Variants in PLCB1 observed in about 807,000 individuals in gnomAD.
PLCB1 encodes the protein phospholipase C beta 1.
PLCB1 carries 46 observed loss-of-function variants against 161.8 expected under a neutral mutation model. The observed-to-expected ratio is 0.28, with a 90% CI of 0.22 to 0.36. The LOEUF is 0.36. Ranked by LOEUF, PLCB1 falls within the 10% of genes least tolerant of loss-of-function variation. PLCB1 has a pLI of 1.00. For missense variants in PLCB1, 1,016 were observed against 1,472.5 expected (o/e 0.69, Z 5.07); for synonymous variants, 517 against 503.7 (o/e 1.03, Z -0.35).
intron 3 of PLCB1, among the ~76,000 whole-genome samples, chr20:8,412,311 C>T (rs1979080008): frequency 6.6e-6 from 1 of 152,218 alleles, no homozygotes. Flanking sequence ...CAAAACCAGT[C>T]ACATGGTCTA....
At chr20:8,629,706 T>C (rs1232181278) in intron 4 of PLCB1, among the ~76,000 whole-genome samples, 1 of 152,220 alleles carries the variant, frequency 6.6e-6, no homozygotes, top group Non-Finnish European at 1.5e-5. Flanking sequence ...ATTGTCTAAG[T>C]ATTGTGATCT....
At chr20:8,681,098 A>C (rs1301373231) in intron 9 of PLCB1, among the ~76,000 whole-genome samples, 1 of 105,524 alleles carries the variant, frequency 9.5e-6, no homozygotes, top group South Asian at 3.4e-4. Context: ...ATATATATAT[A>C]TATATATATA....
intron 3 of PLCB1, among the ~76,000 whole-genome samples, chr20:8,390,869 C>G (rs547119524): frequency 3.3e-5 from 5 of 151,916 alleles, no homozygotes; most frequent in South Asian, 4.2e-4. Context: ...CAAGTTATAT[C>G]ATGTCTCTGA....
At chr20:8,541,605 A>G (rs112230090) in intron 3 of PLCB1, among the ~76,000 whole-genome samples, 60 of 149,978 alleles carry the variant, frequency 4.0e-4, no homozygotes, top group African/African-American at 1.1e-3. Flanking sequence ...AGAAAGAAAG[A>G]AAGGAAGGAA....
Position 8,335,945 on chromosome 20 carries a change from C to T in PLCB1, c.178-35437C>T, listed in dbSNP as rs140857882. ...TGGTCAGGGAGGATTTGGGTTCTGGCGCTGCTTCTAGAGGCACGTTGATCA... is the reference window on the plus strand; with the variant it reads ...TGGTCAGGGAGGATTTGGGTTCTGGTGCTGCTTCTAGAGGCACGTTGATCA... On this transcript the variant is annotated intron_variant, in intron 2 of 31. Transcript: ENST00000338037. 3.9e-3 allele frequency among the ~76,000 whole-genome samples: 587 copies of T among 152,206 alleles called. 6 individuals are homozygous for T. The highest frequency in any genetic ancestry group is 0.013 in the African/African-American group (548 of 41,532).
rs113052210 is a variant in PLCB1 at position 8,844,971 on chromosome 20, G to A, written c.3424-36651G>A. Reference sequence around the variant, plus strand: ...TGAAAAAAAATACAAAAAATTAGCCGGGTGAGGTGGTGGGCGCCTGTAGTC... The same window carrying A: ...TGAAAAAAAATACAAAAAATTAGCCAGGTGAGGTGGTGGGCGCCTGTAGTC... On this transcript the variant is annotated intron_variant, in intron 31 of 31. Coordinates refer to ENST00000338037, the MANE Select transcript of PLCB1 (RefSeq NM_015192.4). 4.8e-3 allele frequency among the ~76,000 whole-genome samples: 726 copies of A among 151,956 alleles called. 11 individuals carry two copies. The highest frequency in any genetic ancestry group is 0.016 in the African/African-American group (660 of 41,430).
chr20:8,727,547 T>C (rs1980006682), intron 17 of PLCB1, among the ~76,000 whole-genome samples, 154 bp downstream of exon 17: 2 of 152,086 alleles, frequency 1.3e-5, no homozygotes, highest in Non-Finnish European at 2.9e-5. Flanking sequence ...TATACAATGC[T>C]GGGCGGGGTA....
chr20:8,185,247 G>T (rs1485605639), intron 2 of PLCB1, among the ~76,000 whole-genome samples: 2 of 152,026 alleles, frequency 1.3e-5, no homozygotes, highest in African/African-American at 4.8e-5. Flanking sequence ...TCTTTTCTGG[G>T]CATTTATCTT....
At chr20:8,183,790 A>G (rs1368042672) in intron 2 of PLCB1, among the ~76,000 whole-genome samples, 1 of 152,222 alleles carries the variant, frequency 6.6e-6, no homozygotes, top group Non-Finnish European at 1.5e-5. Flanking sequence ...TTTGAAATAT[A>G]GAAAAAACTT....
chr20:8,219,060 T>C (rs1183653506), intron 2 of PLCB1, among the ~76,000 whole-genome samples: 2 of 152,134 alleles, frequency 1.3e-5, no homozygotes, highest in Admixed American at 1.3e-4. Context: ...TTTCAGAATG[T>C]CACTGATACA....
chr20:8,392,046 G>C (rs1987623675), intron 3 of PLCB1, among the ~76,000 whole-genome samples: 1 of 151,826 alleles, frequency 6.6e-6, no homozygotes, highest in Admixed American at 6.6e-5. Context: ...GCACTGTCCA[G>C]TTTATGAGCA....
intron 2 of PLCB1, among the ~76,000 whole-genome samples, chr20:8,349,489 T>C (rs1986110303): frequency 6.6e-6 from 1 of 152,234 alleles, no homozygotes; most frequent in South Asian, 2.1e-4. Context: ...ATTTATTCTA[T>C]GAAGAGTCCT....
At chr20:8,314,456 G>A (rs1361565465) in intron 2 of PLCB1, among the ~76,000 whole-genome samples, 2 of 152,152 alleles carry the variant, frequency 1.3e-5, no homozygotes, top group East Asian at 3.9e-4. Flanking sequence ...GCAGTATTAT[G>A]CCCACAGAAG....
intron 2 of PLCB1, among the ~76,000 whole-genome samples, chr20:8,356,114 T>C (rs1394965965): frequency 1.3e-5 from 2 of 152,190 alleles, no homozygotes; most frequent in African/African-American, 2.4e-5. Context: ...TATATTTTGT[T>C]CAAAAATAAC....
chr20:8,508,307 C>A (rs138207809), intron 3 of PLCB1, among the ~76,000 whole-genome samples: 16 of 152,290 alleles, frequency 1.1e-4, no homozygotes, highest in African/African-American at 3.8e-4. Context: ...AGCATTGCTG[C>A]GTCCATCCCA....
At chr20:8,880,635 C>A (rs1987937522) in intron 31 of PLCB1, among the ~76,000 whole-genome samples, 1 of 152,106 alleles carries the variant, frequency 6.6e-6, no homozygotes, top group South Asian at 2.1e-4. Context: ...CATTGGCTTC[C>A]AGGCCTCTGA....
chr20:8,722,903 C>G (rs1717467891), intron 15 of PLCB1, among the ~76,000 whole-genome samples: 1 of 152,068 alleles, frequency 6.6e-6, no homozygotes, highest in Non-Finnish European at 1.5e-5. Context: ...CCTGTAGTTC[C>G]AGCTACTAGG....
intron 3 of PLCB1, among the ~76,000 whole-genome samples, chr20:8,589,703 C>A (rs992365059): frequency 6.8e-6 from 1 of 146,502 alleles, no homozygotes; most frequent in South Asian, 2.2e-4. Flanking sequence ...GCAGCCTCAA[C>A]CTTCTGGGCT....
chr20:8,541,942 C>T (rs559260799), intron 3 of PLCB1, among the ~76,000 whole-genome samples: 1 of 152,320 alleles, frequency 6.6e-6, no homozygotes, highest in East Asian at 1.9e-4. Context: ...CTGCAGAACA[C>T]AGATATGACT....
Sources: allele counts gnomAD v4.1 joint callset (sites outside exome capture counted in the v4.1 genomes callset), GRCh38; gene constraint gnomAD v4.1.1; transcripts MANE v1.5; gene names NCBI Gene and HGNC (gene_info 2026-07-23, HGNC 2026-07-21).